HCN1: variants seen among roughly 807,000 people sequenced by gnomAD.
HCN1 encodes the protein potassium/sodium hyperpolarization-activated cyclic nucleotide-gated channel 1.
In HCN1, 13 loss-of-function variants were observed where a neutral mutation model predicts 78.9. The ratio of observed to expected loss-of-function variants is 0.16; its 90% CI spans 0.11 to 0.26. The LOEUF (loss-of-function observed/expected upper bound fraction) is 0.26. Ranked by LOEUF, HCN1 falls within the 10% of genes least tolerant of loss-of-function variation. The probability of loss-of-function intolerance (pLI) is 1.00; values close to 1 mark genes in which losing one functional copy is unlikely to be tolerated. For missense variants in HCN1, 810 were observed against 1,154.3 expected (o/e 0.70, Z 4.32); for synonymous variants, 552 against 455.5 (o/e 1.21, Z -2.70).
chr5:45,621,150 T>G (rs920852423), intron 2 of HCN1, among the ~76,000 whole-genome samples: 1 of 152,192 alleles, frequency 6.6e-6, no homozygotes, highest in African/African-American at 2.4e-5. Flanking sequence ...ATGTGTTTGT[T>G]TTCTCTATAA....
chr5:45,262,466 T>A lies in HCN1; in HGVS notation c.2128A>T (p.Ser710Cys), dbSNP rs2111839426. Residue 710 changes from serine (S) to cysteine (C), a missense_variant, in exon 8 of 8, where the codon AGC (serine) becomes TGC (cysteine). Physicochemically the swap from Ser to Cys is moderately radical, Grantham distance 112. Around this residue, in one of 6 missense-constraint regions of HCN1, gnomAD observed 398 missense variants for 381.3 expected, o/e 1.04. Coordinates refer to ENST00000303230, the MANE Select transcript of HCN1 (RefSeq NM_021072.4). ...TGGAAAGTTCGAGCGGCCAGAGGGC[T>A]CTGTACAGGAGGGCTGCAGACCGCG... The part of the protein sequence containing the change: ...TTAVCSPPVQ[S>C]PLAARTFHYA... 6.2e-7 allele frequency: 1 copy of A among 1,612,834 alleles called. No homozygotes were observed. Among genetic ancestry groups the A allele is most frequent in the Non-Finnish European group, 8.5e-7 (1 of 1,179,838 alleles).
Position 45,696,143 on chromosome 5 carries a change from C to G in HCN1, c.-50G>C, listed in dbSNP as rs1202722405. Reference sequence around the variant, plus strand: ...GCGCGGGCTCCAGACTCGCCGGCCGCCCGGCGCCGGAGACACGTAGCCGAG... The same window carrying G: ...GCGCGGGCTCCAGACTCGCCGGCCGGCCGGCGCCGGAGACACGTAGCCGAG... On this transcript the variant is annotated 5_prime_UTR_variant, in exon 1 of 8. Transcript: ENST00000303230. 6 of 1,229,504 alleles carry G rather than the reference C, an allele frequency of 4.9e-6. No homozygotes were observed. Among genetic ancestry groups the G allele is most frequent in the Non-Finnish European group, 5.2e-6 (5 of 967,312 alleles). 76.2% of individuals were successfully genotyped at this position (1,229,504 alleles called of 1,614,324 possible).
chr5:45,339,707 T>C (rs1161015005), intron 5 of HCN1, among the ~76,000 whole-genome samples: 2 of 152,136 alleles, frequency 1.3e-5, no homozygotes, highest in Admixed American at 1.3e-4. Flanking sequence ...TTGTGACAGA[T>C]GTTGAGGTAA....
At chr5:45,412,810 T>C (rs1399671274) in intron 3 of HCN1, among the ~76,000 whole-genome samples, 2 of 151,946 alleles carry the variant, frequency 1.3e-5, no homozygotes, top group Admixed American at 6.6e-5. Flanking sequence ...ATGAGGATCA[T>C]CTCATAAGAA....
At chr5:45,643,850 A>C (rs1745499507) in intron 2 of HCN1, 1 of 152,188 alleles carries the variant, frequency 6.6e-6, no homozygotes, top group African/African-American at 2.4e-5. Flanking sequence ...TATTAATCTC[A>C]AATTAGCATA....
chr5:45,425,438 T>A (rs1006839457), intron 3 of HCN1, among the ~76,000 whole-genome samples: 1 of 152,178 alleles, frequency 6.6e-6, no homozygotes, highest in Non-Finnish European at 1.5e-5. Flanking sequence ...ATATTAGTAA[T>A]CACATCAAGA....
intron 1 of HCN1, among the ~76,000 whole-genome samples, chr5:45,656,301 C>T (rs1339125454): frequency 5.9e-5 from 9 of 152,082 alleles, no homozygotes; most frequent in Admixed American, 2.6e-4. Context: ...GCCACTATGC[C>T]TCCAAAGAGA....
chr5:45,308,078 T>G (rs1317635938), intron 5 of HCN1, among the ~76,000 whole-genome samples: 2 of 152,132 alleles, frequency 1.3e-5, no homozygotes, highest in East Asian at 3.9e-4. Flanking sequence ...CTTGAGTTAA[T>G]GAGTGAGTTC....
chr5:45,402,318 G>A (rs1234480879), intron 3 of HCN1, among the ~76,000 whole-genome samples: 1 of 152,156 alleles, frequency 6.6e-6, no homozygotes, highest in Non-Finnish European at 1.5e-5. Context: ...CAGAGTGCTG[G>A]TTCTTAACTA....
Position 45,255,599 on chromosome 5 carries a change from G to A in HCN1, c.*6322C>T, listed in dbSNP as rs1053892395. The A allele has an allele frequency of 6.6e-6, 1 of 152,122 alleles. No individual in the cohort carries two copies. The highest frequency in any genetic ancestry group is 1.5e-5 in the Non-Finnish European group (1 of 68,028). The allele number at this position is 152,122 out of a possible 1,614,324, so 9.4% of individuals were successfully genotyped here. A position where few individuals can be genotyped will look rare whatever the true frequency, so the allele number is the denominator to read the frequency against. On this transcript the variant is annotated 3_prime_UTR_variant, in exon 8 of 8. Transcript: ENST00000303230. ...AAACAGAATTGTAATATGTTAGGTT[G>A]GTAATAGATGTTAGAAGAGTTAGGC...
chr5:45,366,661 T>A (rs1356656276), intron 4 of HCN1, among the ~76,000 whole-genome samples: 2 of 151,828 alleles, frequency 1.3e-5, no homozygotes, highest in Non-Finnish European at 2.9e-5. Context: ...TTACTAAGTG[T>A]AAATATAATC....
At chr5:45,515,428 T>C (rs1263447815) in intron 2 of HCN1, among the ~76,000 whole-genome samples, 2 of 151,990 alleles carry the variant, frequency 1.3e-5, no homozygotes, top group Non-Finnish European at 2.9e-5. Context: ...TGAATATTTG[T>C]TGATGTCTTA....
rs1463486450 is a variant in HCN1, at chr5:45,372,092, T to C, written c.1231-18846A>G. ...ATATATTATATATAATATAATTATATATATATTTTATATATAATATAATTA... is the reference window on the plus strand; with the variant it reads ...ATATATTATATATAATATAATTATACATATATTTTATATATAATATAATTA... On this transcript the variant is annotated intron_variant, in intron 4 of 7. Coordinates refer to ENST00000303230, the MANE Select transcript of HCN1 (RefSeq NM_021072.4). Among the ~76,000 whole-genome samples the C allele has an allele frequency of 1.2e-3, 62 of 52,428 alleles. 2 individuals carry two copies. Among genetic ancestry groups the C allele is most frequent in the African/African-American group, 2.8e-3 (27 of 9,734 alleles). 34.4% of individuals were successfully genotyped at this position (52,428 alleles called of 152,430 possible).
At chr5:45,378,978 T>C (rs958623919) in intron 4 of HCN1, among the ~76,000 whole-genome samples, 1 of 152,130 alleles carries the variant, frequency 6.6e-6, no homozygotes, top group South Asian at 2.1e-4. Flanking sequence ...TGCATAGTAT[T>C]CCATGGTGTA....
At chr5:45,370,974 T>C (rs1404509983) in intron 4 of HCN1, among the ~76,000 whole-genome samples, 1 of 151,984 alleles carries the variant, frequency 6.6e-6, no homozygotes, top group Non-Finnish European at 1.5e-5. Context: ...TTTGCTAGGA[T>C]AAGCAAAGGA....
At chr5:45,686,641 T>C (rs1172207660) in intron 1 of HCN1, among the ~76,000 whole-genome samples, 1 of 152,202 alleles carries the variant, frequency 6.6e-6, no homozygotes, top group Non-Finnish European at 1.5e-5. Flanking sequence ...CTGGAGTTAA[T>C]AAAGTTCTTT....
chr5:45,352,455 C>T (rs1746927839), intron 5 of HCN1, among the ~76,000 whole-genome samples: 1 of 151,994 alleles, frequency 6.6e-6, no homozygotes, highest in Admixed American at 6.6e-5. Context: ...AGCACACCAG[C>T]ATCGCACATG....
intron 2 of HCN1, among the ~76,000 whole-genome samples, chr5:45,531,720 CTT>C (rs888236627): frequency 6.6e-6 from 1 of 151,516 alleles, no homozygotes. Context: ...GGCTCTGACA[CTT>C]TTTTTTTCAA....
chr5:45,483,426 T>G lies in HCN1; in HGVS notation c.850-21419A>C, dbSNP rs549750922. ...TGTGTTGGCGACTTGTACATCTTCT[T>G]TTGAGAAGTTCATGTAGTTTGCCCA... On this transcript the variant is annotated intron_variant, in intron 2 of 7. Coordinates refer to ENST00000303230, the MANE Select transcript of HCN1 (RefSeq NM_021072.4). Among the ~76,000 whole-genome samples the G allele has an allele frequency of 1.2e-4, 18 of 152,310 alleles. No homozygotes were observed. In the South Asian group the frequency reaches 3.7e-3, roughly 32 times the overall value.
Sources: gnomAD v4.1 joint callset for allele counts (sites outside exome capture counted in the v4.1 genomes callset) on GRCh38, gnomAD v4.1.1 for gene constraint, gnomAD v4.1.1 regional missense constraint, MANE v1.5 for transcripts, NCBI Gene and HGNC (gene_info 2026-07-23, HGNC 2026-07-21) for gene names.